USP19: variants seen among roughly 807,000 people sequenced by gnomAD.
The protein encoded by USP19 is ubiquitin specific peptidase 19, also known as ubiquitin carboxyl-terminal hydrolase 19.
Under a neutral mutation model 144.8 loss-of-function variants are expected in USP19, and 40 were observed. The ratio of observed to expected loss-of-function variants is 0.28; its 90% CI spans 0.21 to 0.36. The LOEUF (loss-of-function observed/expected upper bound fraction) is 0.36, where lower values mean the gene tolerates loss of function less well. Ranked by LOEUF, USP19 falls within the 10% of genes least tolerant of loss-of-function variation. The pLI is 1.00. For synonymous variants in USP19, 701 were observed against 709.3 expected (o/e 0.99, Z 0.19); for missense variants, 1,518 against 1,822.5 (o/e 0.83, Z 3.04).
chr3:49,114,613 C>A lies in USP19; in HGVS notation c.2292+150G>T. The A allele has an allele frequency of 1.2e-6, 1 of 825,796 alleles. No individual in the cohort carries two copies. The highest frequency in any genetic ancestry group is 2.7e-5 in the East Asian group (1 of 37,514). The allele number at this position is 825,796 out of a possible 1,614,324, so 51.2% of individuals were successfully genotyped here. A position where few individuals can be genotyped will look rare whatever the true frequency, so the allele number is the denominator to read the frequency against. On this transcript the variant is annotated intron_variant, in intron 15 of 26. Transcript: ENST00000417901. The surrounding 1 kb of genome is among the most constrained non-coding windows in gnomAD (Gnocchi z 4.5). ...GGAAGCCTACCCTGAGTGGGCTCTTCAGCCCAAATAGAATCCTAAGGCCTC... is the reference window on the plus strand; with the variant it reads ...GGAAGCCTACCCTGAGTGGGCTCTTAAGCCCAAATAGAATCCTAAGGCCTC...
rs779872297 is a variant in USP19 at position 49,118,009 on chromosome 3, C to A, written c.236G>T (p.Arg79Leu). ...CCCTGACGATGAAGGAAAGAACAGC[C>A]GGGTACGGTGGCGTGAGCCTGTGAT... is the stretch of plus-strand genomic sequence containing the variant. ...AGITGSRHRT[R>L]LFFPSSSGSA... The change falls in exon 3 of 27, where the codon CGG becomes CTG. Residue 79 changes from arginine (R) to leucine (L), a missense_variant. Arg to Leu is a moderately radical substitution (Grantham distance 102). Around this residue, in one of 5 missense-constraint regions of USP19, gnomAD observed 707 missense variants for 728.9 expected, o/e 0.97. Transcript: ENST00000417901. The A allele has an allele frequency of 6.2e-6, 10 of 1,606,172 alleles. No individual in the cohort carries two copies. The highest frequency in any genetic ancestry group is 7.6e-6 in the Non-Finnish European group (9 of 1,178,152).
chr3:49,116,745 C>A lies in USP19; in HGVS notation c.1108G>T (p.Ala370Ser), dbSNP rs2044213133. 2.5e-6 allele frequency: 4 copies of A among 1,611,828 alleles called. No homozygotes were observed. In the African/African-American group the frequency reaches 5.3e-5, roughly 22 times the overall value. The change falls in exon 7 of 27, where the codon GCT becomes TCT. Residue 370 changes from alanine to serine, a missense_variant. Physicochemically the swap from Ala to Ser is moderately conservative, Grantham distance 99 (BLOSUM62 1). Coordinates refer to ENST00000417901, the MANE Select transcript of USP19 (RefSeq NM_001199161.2). This position sits in a 1 kb window ranked among gnomAD's most constrained non-coding sequence, Gnocchi z 5.0. Reference sequence around the variant, plus strand: ...CCTTTACCATCCACCAAGGTTGCAGCATCTGCTGCCACTGCCATCTCCTCC... The same window carrying A: ...CCTTTACCATCCACCAAGGTTGCAGAATCTGCTGCCACTGCCATCTCCTCC... ...AKEEMAVAAD[A>S]ATLVDEPESM...
chr3:49,115,747 T>C lies in USP19; in HGVS notation c.1669A>G (p.Lys557Glu). The C allele has an allele frequency of 6.2e-7, 1 of 1,612,222 alleles. No homozygotes were observed. The highest frequency in any genetic ancestry group is 8.5e-7 in the Non-Finnish European group (1 of 1,178,628). The part of the protein sequence containing the change: ...TRTPMEHVTP[K>E]PETHLASPKP... ...ACCGAGGCCAGGTGTGTCTCTGGCT[T>C]TGGGGTTACATGCTCCATGGGTGTG... Residue 557 changes from lysine (K) to glutamate (E), a missense_variant, in exon 11 of 27, where the codon AAG becomes GAG. Transcript: ENST00000417901. The surrounding 1 kb of genome is among the most constrained non-coding windows in gnomAD (Gnocchi z 6.6).
chr3:49,117,493 G>C lies in USP19; in HGVS notation c.550C>G (p.Leu184Val), dbSNP rs2085934356. Residue 184 changes from leucine (L) to valine (V), a missense_variant, in exon 5 of 27, where the codon CTC (leucine) becomes GTC (valine). Physicochemically the swap from Leu to Val is conservative, Grantham distance 32 (BLOSUM62 1). Around this residue, in one of 5 missense-constraint regions of USP19, gnomAD observed 707 missense variants for 728.9 expected, o/e 0.97. Transcript: ENST00000417901. This position sits in a 1 kb window ranked among gnomAD's most constrained non-coding sequence, Gnocchi z 4.4. ...TTTTTGGGCAGTGTCAGGTGCAGGA[G>C]ACTGCCCTTGCGGGTTTGCACTTTA... The part of the protein sequence containing the change: ...CAKVQTRKGS[L>V]LHLTLPKKVP... The C allele has an allele frequency of 6.2e-7, 1 of 1,614,170 alleles. No individual in the cohort carries two copies. Among genetic ancestry groups the C allele is most frequent in the African/African-American group, 1.3e-5 (1 of 75,060 alleles).
At position 49,111,712 on chromosome 3, in the gene USP19, TC is replaced by T; in HGVS notation, c.3004del (p.Glu1002ArgfsTer18). The T allele has an allele frequency of 6.3e-7, 1 of 1,589,342 alleles. No individual in the cohort carries two copies. On this transcript the variant is annotated frameshift_variant, in exon 21 of 27. Transcript: ENST00000417901. LOFTEE classifies it high-confidence loss of function. This position sits in a 1 kb window ranked among gnomAD's most constrained non-coding sequence, Gnocchi z 5.9. The part of the protein sequence containing the change: ...CTTLLSTGSL[E>X]AGDSERDPIQ... Reference sequence around the variant, plus strand: ...GGGGTCTCTCTCGCTGTCCCCAGCCTCCAGGGAACCTGTGGAGAGCAGTGTG... The same window carrying T: ...GGGGTCTCTCTCGCTGTCCCCAGCCTCAGGGAACCTGTGGAGAGCAGTGTG...
rs1242926369 is a variant in USP19 at position 49,117,470 on chromosome 3, T to C, written c.573A>G (p.Lys191=). The change falls in exon 5 of 27, where the codon AAA becomes AAG. Residue 191 remains lysine, a synonymous_variant. Transcript: ENST00000417901. The surrounding 1 kb of genome is among the most constrained non-coding windows in gnomAD (Gnocchi z 4.4). ...KGSLLHLTLP[K]KVPMLTWPSL... is the part of the protein sequence containing the mutation. The stretch of plus-strand genomic sequence containing the variant: ...AGGGCCACGTGAGCATAGGCACCTT[T>C]TTGGGCAGTGTCAGGTGCAGGAGAC... The C allele has an allele frequency of 6.2e-7, 1 of 1,614,156 alleles. No homozygotes were observed. The highest frequency in any genetic ancestry group is 8.5e-7 in the Non-Finnish European group (1 of 1,180,040).
Position 49,115,773 on chromosome 3 carries a change from C to G in USP19, c.1643G>C (p.Arg548Pro), listed in dbSNP as rs781341271. ...EDTGLDSVAT[R>P]TPMEHVTPKP... ...TGGGGTTACATGCTCCATGGGTGTGCGGGTTGCCACACTGTCTAGCCCTGT... is the reference window on the plus strand; with the variant it reads ...TGGGGTTACATGCTCCATGGGTGTGGGGGTTGCCACACTGTCTAGCCCTGT... The change falls in exon 11 of 27, where the codon CGC becomes CCC. Residue 548 changes from arginine to proline, a missense_variant. Arg to Pro is a moderately radical substitution (Grantham distance 103). This residue lies in a region of USP19 where 707 missense variants were observed against 728.9 expected (regional missense o/e 0.97). Coordinates refer to ENST00000417901, the MANE Select transcript of USP19 (RefSeq NM_001199161.2). This position sits in a 1 kb window ranked among gnomAD's most constrained non-coding sequence, Gnocchi z 6.6. 2.2e-5 allele frequency: 36 copies of G among 1,613,732 alleles called. No individual in the cohort carries two copies. The South Asian group carries it at 4.0e-4, about 18-fold the overall frequency.
At position 49,108,853 on chromosome 3, in the gene USP19, T is replaced by C. The variant is rs1357811648; in HGVS notation, c.4039-325A>G. On this transcript the variant is annotated intron_variant, in intron 26 of 26. Transcript: ENST00000417901. The surrounding 1 kb of genome is among the most constrained non-coding windows in gnomAD (Gnocchi z 4.8). ...AACCTCCCCACCCTCTCCCACCAGATGCATAAGCTGAGGCCCAAAGCCCAG... is the reference window on the plus strand; with the variant it reads ...AACCTCCCCACCCTCTCCCACCAGACGCATAAGCTGAGGCCCAAAGCCCAG... The C allele has an allele frequency of 3.4e-6, 5 of 1,465,002 alleles. No homozygotes were observed. Among genetic ancestry groups the C allele is most frequent in the East Asian group, 2.5e-5 (1 of 40,232 alleles). 90.8% of individuals were successfully genotyped at this position (1,465,002 alleles called of 1,614,324 possible). A position where few individuals can be genotyped will look rare whatever the true frequency, so the allele number is the denominator to read the frequency against.
chr3:49,111,170 G>C lies in USP19; in HGVS notation c.3329-4C>G. On this transcript the variant is annotated splice_region_variant and splice_polypyrimidine_tract_variant and intron_variant, in intron 22 of 26. Transcript: ENST00000417901. This position sits in a 1 kb window ranked among gnomAD's most constrained non-coding sequence, Gnocchi z 5.9. ...CCCAGCTCCAGTGGGGTGTCTCCTGGAGATTCGCAGGGAGAGAGGTCATGC... is the reference window on the plus strand; with the variant it reads ...CCCAGCTCCAGTGGGGTGTCTCCTGCAGATTCGCAGGGAGAGAGGTCATGC... 1 of 1,613,974 alleles carries C rather than the reference G, an allele frequency of 6.2e-7. No individual in the cohort carries two copies.
chr3:49,112,585 T>C lies in USP19; in HGVS notation c.2550A>G (p.Ser850=), dbSNP rs749913971. The change falls in exon 18 of 27, where the codon TCA becomes TCG. Residue 850 remains serine, a synonymous_variant. Coordinates refer to ENST00000417901, the MANE Select transcript of USP19 (RefSeq NM_001199161.2). This position sits in a 1 kb window ranked among gnomAD's most constrained non-coding sequence, Gnocchi z 4.9. ...TATCAGATGGGGACACAGTGTCCAG[T>C]GAGTGGGAGGGTAGGAACACACGAT... ...RFHRVFLPSH[S]LDTVSPSDTL... is the part of the protein sequence containing the mutation. The C allele has an allele frequency of 1.2e-6, 2 of 1,614,026 alleles. No individual in the cohort carries two copies. Among genetic ancestry groups the C allele is most frequent in the South Asian group, 1.1e-5 (1 of 91,076 alleles).
chr3:49,115,665 G>C lies in USP19; in HGVS notation c.1693-26C>G, dbSNP rs1267978267. ...CTGCAGGAGCAAAGACGACATGAGA[G>C]AACAGCCCCAAGACTCTCCAGCCTC... On this transcript the variant is annotated intron_variant, in intron 11 of 26. Coordinates refer to ENST00000417901, the MANE Select transcript of USP19 (RefSeq NM_001199161.2). This position sits in a 1 kb window ranked among gnomAD's most constrained non-coding sequence, Gnocchi z 6.6. The C allele has an allele frequency of 1.9e-6, 3 of 1,608,410 alleles. No homozygotes were observed. The highest frequency in any genetic ancestry group is 2.5e-6 in the Non-Finnish European group (3 of 1,176,534).
rs1026644157 is a variant in USP19, at chr3:49,115,832, C to T, written c.1584G>A (p.Val528=). Reference sequence around the variant, plus strand: ...ATCGTGCCTTGGATTTATCCTTCTCCACAGCCCGGGCCTCCTCCTGGCCTG... The same window carrying T: ...ATCGTGCCTTGGATTTATCCTTCTCTACAGCCCGGGCCTCCTCCTGGCCTG... ...PLTGQEEARA[V]EKDKSKARSE... Residue 528 remains valine, a synonymous_variant, in exon 11 of 27, where the codon GTG becomes GTA. Transcript: ENST00000417901. This position sits in a 1 kb window ranked among gnomAD's most constrained non-coding sequence, Gnocchi z 6.6. 1.9e-6 allele frequency: 3 copies of T among 1,613,546 alleles called. No homozygotes were observed. In the Admixed American group the frequency reaches 5.0e-5, roughly 27 times the overall value.
Position 49,108,684 on chromosome 3 carries a change from T to C in USP19, c.4039-156A>G. ...ACAGAGAGACGAGATTGGGCCTGAA[T>C]AGTCTGGTTTTATTAACACTTTTAA... On this transcript the variant is annotated intron_variant, in intron 26 of 26. Coordinates refer to ENST00000417901, the MANE Select transcript of USP19 (RefSeq NM_001199161.2). The surrounding 1 kb of genome is among the most constrained non-coding windows in gnomAD (Gnocchi z 4.8). 7.7e-7 allele frequency: 1 copy of C among 1,306,622 alleles called. No homozygotes were observed. Among genetic ancestry groups the C allele is most frequent in the African/African-American group, 1.5e-5 (1 of 66,022 alleles). The allele number at this position is 1,306,622 out of a possible 1,614,324, so 80.9% of individuals were successfully genotyped here.
intron 2 of USP19, 61 bp downstream of exon 2, chr3:49,118,961 T>G: frequency 6.2e-7 from 1 of 1,610,160 alleles, no homozygotes; most frequent in Non-Finnish European, 8.5e-7. Flanking sequence ...AACCCCAATC[T>G]GTATACCAAT....
At chr3:49,119,412 C>T (rs2044756973) in intron 1 of USP19, 131 bp from the exon 2 acceptor site, 1 of 372,200 alleles carries the variant, frequency 2.7e-6, no homozygotes, top group Non-Finnish European at 4.8e-6. Flanking sequence ...CCCCTGGACA[C>T]TCTCAGGATA....
intron 17 of USP19, among the ~76,000 whole-genome samples, chr3:49,113,151 A>C (rs1305068733): frequency 6.6e-6 from 1 of 152,182 alleles, no homozygotes; most frequent in Non-Finnish European, 1.5e-5. Flanking sequence ...ATCCACCACC[A>C]CAAAGGGGAA....
At chr3:49,109,095 C>G (rs2042746080) in intron 26 of USP19, 1 of 1,592,002 alleles carries the variant, frequency 6.3e-7, no homozygotes, top group Non-Finnish European at 8.5e-7. Context: ...AGGGGGCCCA[C>G]CCAGTCTTGG....
In USP19 at chr3:49,112,542, G is replaced by A. The variant is rs1371715832; in HGVS notation, c.2593C>T (p.Leu865=). The A allele has an allele frequency of 6.2e-7, 1 of 1,614,168 alleles. No individual in the cohort carries two copies. The highest frequency in any genetic ancestry group is 1.1e-5 in the South Asian group (1 of 91,086). The stretch of plus-strand genomic sequence containing the variant: ...TCCTTAGCCAACTCTGAGGATAGCA[G>A]CTCAAAGCAGAGGAGCGTATCAGAT... ...SPSDTLLCFE[L]LSSELAKERV... The change falls in exon 18 of 27, where the codon CTG becomes TTG. Residue 865 remains leucine (L), a synonymous_variant. Transcript: ENST00000417901. This position sits in a 1 kb window ranked among gnomAD's most constrained non-coding sequence, Gnocchi z 4.9.
rs1253755154 is a variant in USP19 at position 49,116,960 on chromosome 3, T to G, written c.910-17A>C. 1 of 1,610,446 alleles carries G rather than the reference T, an allele frequency of 6.2e-7. No homozygotes were observed. Among genetic ancestry groups the G allele is most frequent in the African/African-American group, 1.3e-5 (1 of 74,834 alleles). The stretch of plus-strand genomic sequence containing the variant: ...AGCCTCAACCTATTAATGGCAAGAT[T>G]GTGGAAAGAATCAGCCCTGGGTCTG... On this transcript the variant is annotated splice_polypyrimidine_tract_variant and intron_variant, in intron 6 of 26. Coordinates refer to ENST00000417901, the MANE Select transcript of USP19 (RefSeq NM_001199161.2). The surrounding 1 kb of genome is among the most constrained non-coding windows in gnomAD (Gnocchi z 5.0).
Sources: gnomAD v4.1 joint callset for allele counts (sites outside exome capture counted in the v4.1 genomes callset) on GRCh38, gnomAD v4.1.1 for gene constraint, gnomAD v4.1.1 regional missense constraint, Gnocchi (gnomAD v3.1) non-coding constraint, MANE v1.5 for transcripts, NCBI Gene and HGNC (gene_info 2026-07-23, HGNC 2026-07-21) for gene names.